Variants in B3GALT1 observed in about 807,000 individuals in gnomAD.
B3GALT1 encodes the protein beta-1,3-galactosyltransferase 1.
Under a neutral mutation model 23.2 loss-of-function variants are expected in B3GALT1, and 10 were observed. The observed-to-expected ratio is 0.43, with a 90% CI of 0.27 to 0.73. The LOEUF is 0.73. B3GALT1 is among the 30% of genes least tolerant of loss of function. B3GALT1 has a pLI of 0.21. For missense variants in B3GALT1, 299 were observed against 405.4 expected, an observed-to-expected ratio of 0.74 and a Z score of 2.25; for synonymous variants, 156 against 141.5, an observed-to-expected ratio of 1.10 and a Z score of -0.73.
chr2:167,556,370 A>G (rs941308998), intron 2 of B3GALT1, among the ~76,000 whole-genome samples: 3 of 152,120 alleles, frequency 2.0e-5, no homozygotes, highest in Middle Eastern at 3.2e-3. Flanking sequence ...GAAAATCTCT[A>G]CTTATCTATT....
chr2:167,444,835 T>A (rs572504046), intron 1 of B3GALT1, among the ~76,000 whole-genome samples: 28 of 152,152 alleles, frequency 1.8e-4, no homozygotes, highest in Non-Finnish European at 3.5e-4. Context: ...TTCGTTGATT[T>A]TTTGAAGAGT....
intron 3 of B3GALT1, among the ~76,000 whole-genome samples, chr2:167,723,656 G>A (rs1026979701): frequency 4.6e-5 from 7 of 151,458 alleles, no homozygotes; most frequent in African/African-American, 1.7e-4. Flanking sequence ...TTAGCCCCTC[G>A]AGTAACTGGG....
At chr2:167,324,244 TC>T (rs1217682726) in intron 1 of B3GALT1, among the ~76,000 whole-genome samples, 5 of 152,072 alleles carry the variant, frequency 3.3e-5, no homozygotes, top group African/African-American at 1.2e-4. Context: ...TACATACAGT[TC>T]TTTTTTCTTT....
intron 2 of B3GALT1, among the ~76,000 whole-genome samples, chr2:167,519,994 A>C (rs1458748943): frequency 1.3e-5 from 2 of 152,014 alleles, no homozygotes; most frequent in Non-Finnish European, 2.9e-5. Context: ...GCAGTGAGCC[A>C]AGATTGTGCC....
At chr2:167,739,515 G>A (rs1687544080) in intron 3 of B3GALT1, among the ~76,000 whole-genome samples, 1 of 152,196 alleles carries the variant, frequency 6.6e-6, no homozygotes, top group African/African-American at 2.4e-5. Context: ...AGAAAAGCAT[G>A]AGAAAGTGAC....
chr2:167,539,438 C>T (rs999844721), intron 2 of B3GALT1, among the ~76,000 whole-genome samples: 1 of 152,122 alleles, frequency 6.6e-6, no homozygotes, highest in African/African-American at 2.4e-5. Context: ...TATTCTTTAT[C>T]TCAAATAAAC....
At chr2:167,662,364 A>T (rs1461079085) in intron 3 of B3GALT1, among the ~76,000 whole-genome samples, 4 of 152,028 alleles carry the variant, frequency 2.6e-5, no homozygotes, top group Non-Finnish European at 1.5e-5. Context: ...TTCACAGCAA[A>T]ATTGAGAGGA....
At chr2:167,406,942 A>G (rs1479632898) in intron 1 of B3GALT1, among the ~76,000 whole-genome samples, 4 of 152,184 alleles carry the variant, frequency 2.6e-5, no homozygotes, top group Non-Finnish European at 4.4e-5. Flanking sequence ...TGCCAACCAG[A>G]GCTGAAAAGG....
intron 2 of B3GALT1, among the ~76,000 whole-genome samples, chr2:167,532,028 T>C (rs1414948161): frequency 1.3e-5 from 2 of 152,198 alleles, no homozygotes; most frequent in African/African-American, 4.8e-5. Flanking sequence ...TAATTTTGTT[T>C]TAAATTTCTA....
At chr2:167,606,599 T>C (rs1300328992) in intron 2 of B3GALT1, among the ~76,000 whole-genome samples, 1 of 151,990 alleles carries the variant, frequency 6.6e-6, no homozygotes, top group Non-Finnish European at 1.5e-5. Context: ...CTATGGCTTA[T>C]GAAAGAGAGA....
chr2:167,745,209 C>CTGATATAGAGTAG (rs756467187), intron 3 of B3GALT1, among the ~76,000 whole-genome samples: 20,960 of 151,968 alleles, frequency 0.14, 1,629 homozygotes, highest in South Asian at 0.2. Context: ...TGATATTCCT[C>CTGATATAGAGTAG]AATATATTAA....
At chr2:167,861,214 AC>A (rs1458603543) in intron 4 of B3GALT1, among the ~76,000 whole-genome samples, 2 of 152,174 alleles carry the variant, frequency 1.3e-5, no homozygotes, top group Non-Finnish European at 2.9e-5. Context: ...ATTTTGTCCA[AC>A]CAGGCAGCAC....
intron 3 of B3GALT1, among the ~76,000 whole-genome samples, chr2:167,745,756 A>G (rs1047102034): frequency 1.3e-5 from 2 of 152,116 alleles, no homozygotes; most frequent in Admixed American, 6.6e-5. Context: ...TAGCTGTAGA[A>G]TTCTGAAAAT....
chr2:167,486,845 G>A (rs985214905), intron 1 of B3GALT1, among the ~76,000 whole-genome samples: 6 of 151,814 alleles, frequency 4.0e-5, no homozygotes, highest in South Asian at 4.1e-4. Context: ...GTGGGATTGG[G>A]AGAGTAGAAA....
In B3GALT1 at chr2:167,371,834, A is replaced by G. The variant is rs137909317; in HGVS notation, c.-511+78500A>G. ...GATGATATTTTTTGCTATAGCAATTATAAAATTTTAATCAGAGGTAAAATT... is the reference window on the plus strand; with the variant it reads ...GATGATATTTTTTGCTATAGCAATTGTAAAATTTTAATCAGAGGTAAAATT... On this transcript the variant is annotated intron_variant, in intron 1 of 4. Coordinates refer to ENST00000392690, the MANE Select transcript of B3GALT1 (RefSeq NM_020981.4). Among the ~76,000 whole-genome samples the G allele has an allele frequency of 7.8e-3, 1,183 of 152,082 alleles. 9 individuals are homozygous for G. Among genetic ancestry groups the G allele is most frequent in the Non-Finnish European group, 0.013 (853 of 67,896 alleles).
In B3GALT1 at chr2:167,871,640, G is replaced by T. The variant is rs1381839933; in HGVS notation, c.*1620G>T. On this transcript the variant is annotated 3_prime_UTR_variant, in exon 5 of 5. Transcript: ENST00000392690. ...CTTTGGGAAGGAACCTCTGGTTGGG[G>T]TATATTACAGTAAATGAAGCATATA... The T allele has an allele frequency of 6.6e-6, 1 of 152,138 alleles. No individual in the cohort carries two copies. The highest frequency in any genetic ancestry group is 1.5e-5 in the Non-Finnish European group (1 of 68,016). 9.4% of individuals were successfully genotyped at this position (152,138 alleles called of 1,614,324 possible).
intron 1 of B3GALT1, among the ~76,000 whole-genome samples, chr2:167,477,086 G>A (rs1574095514): frequency 6.6e-6 from 1 of 152,162 alleles, no homozygotes; most frequent in East Asian, 1.9e-4. Context: ...AGGAGCAAAA[G>A]CTAAGATATT....
At chr2:167,367,235 A>G (rs1040087433) in intron 1 of B3GALT1, among the ~76,000 whole-genome samples, 5 of 152,208 alleles carry the variant, frequency 3.3e-5, no homozygotes, top group Non-Finnish European at 4.4e-5. Context: ...TAAGCCTGGG[A>G]AAAAAATCAA....
intron 3 of B3GALT1, among the ~76,000 whole-genome samples, chr2:167,748,732 A>G (rs891566569): frequency 6.6e-6 from 1 of 152,218 alleles, no homozygotes; most frequent in Non-Finnish European, 1.5e-5. Context: ...ACATTGAACA[A>G]TGAATTTTAG....
Sources: allele counts gnomAD v4.1 joint callset (sites outside exome capture counted in the v4.1 genomes callset), GRCh38; gene constraint gnomAD v4.1.1; transcripts MANE v1.5; gene names NCBI Gene and HGNC (gene_info 2026-07-23, HGNC 2026-07-21).